Variants in CRK observed in about 807,000 individuals in gnomAD.
CRK encodes the protein adapter molecule crk.
A neutral mutation model predicts 29.8 loss-of-function variants in CRK; 4 were observed. That is an observed-to-expected ratio of 0.13 (90% CI 0.07 to 0.31). CRK has a LOEUF of 0.31. Ranked by LOEUF, CRK falls within the 10% of genes least tolerant of loss-of-function variation. The pLI, the probability that CRK is intolerant of heterozygous loss-of-function variation, is 1.00. For synonymous variants in CRK, 153 were observed against 164.9 expected, an observed-to-expected ratio of 0.93 and a Z score of 0.55; for missense variants, 274 against 396.5, an observed-to-expected ratio of 0.69 and a Z score of 2.62.
Position 1,451,637 on chromosome 17 carries a change from G to A in CRK, c.241+4240C>T, listed in dbSNP as rs971806072. Among the ~76,000 whole-genome samples, 10 of 152,226 alleles carry A rather than the reference G, an allele frequency of 6.6e-5. No individual in the cohort carries two copies. The South Asian group carries it at 1.2e-3, about 19-fold the overall frequency. On this transcript the variant is annotated intron_variant, in intron 1 of 2. Transcript: ENST00000300574. ...ACAGCCTGAGTCAGAAGGGCTGCCTGCCCCAAAGTTAAGGGCTGTAGTGCA... is the reference window on the plus strand; with the variant it reads ...ACAGCCTGAGTCAGAAGGGCTGCCTACCCCAAAGTTAAGGGCTGTAGTGCA...
At position 1,422,430 on chromosome 17, in the gene CRK, TG is replaced by T. The variant is rs1287332973; in HGVS notation, c.*1082del. 1 of 152,290 alleles carries T rather than the reference TG, an allele frequency of 6.6e-6. No individual in the cohort carries two copies. Among genetic ancestry groups the T allele is most frequent in the African/African-American group, 2.4e-5 (1 of 41,458 alleles). The allele number at this position is 152,290 out of a possible 1,614,324, so 9.4% of individuals were successfully genotyped here. On this transcript the variant is annotated 3_prime_UTR_variant, in exon 3 of 3. Transcript: ENST00000300574. ...CACCCGCCTCGGCCTCCCAAAGTGC[TG>T]GGATTACAGACGTGAGCCACCGCGC...
At chr17:1,427,952 A>G (rs1217664153) in intron 2 of CRK, among the ~76,000 whole-genome samples, 1 of 150,512 alleles carries the variant, frequency 6.6e-6, no homozygotes, top group Admixed American at 6.6e-5. Context: ...TTTATTCTTA[A>G]GCATTCATAC....
chr17:1,427,778 A>C (rs2073795394), intron 2 of CRK, among the ~76,000 whole-genome samples: 1 of 151,136 alleles, frequency 6.6e-6, no homozygotes, highest in African/African-American at 2.4e-5. Context: ...GACAAGCACA[A>C]GCCACCATGC....
Position 1,430,815 on chromosome 17 carries a change from C to T in CRK, c.777+5805G>A, listed in dbSNP as rs371892190. Among the ~76,000 whole-genome samples the T allele has an allele frequency of 2.6e-5, 4 of 151,892 alleles. No homozygotes were observed. The East Asian group carries it at 7.9e-4, about 30-fold the overall frequency. On this transcript the variant is annotated intron_variant, in intron 2 of 2. Transcript: ENST00000300574. ...GGGCGCTGTGGCTCATGCCTGTAATCCCAGCACTTTGGGAGGCCGAGGTGG... is the reference window on the plus strand; with the variant it reads ...GGGCGCTGTGGCTCATGCCTGTAATTCCAGCACTTTGGGAGGCCGAGGTGG...
At position 1,423,462 on chromosome 17, in the gene CRK, A is replaced by G; in HGVS notation, c.*51T>C. On this transcript the variant is annotated 3_prime_UTR_variant, in exon 3 of 3. Coordinates refer to ENST00000300574, the MANE Select transcript of CRK (RefSeq NM_016823.4). ...GAAAATTGTATAGATGGCAGTTGGA[A>G]AAAAAAAAAAAAGATTGTTCCCATC... 1.6e-6 allele frequency: 2 copies of G among 1,240,890 alleles called. No homozygotes were observed. Among genetic ancestry groups the G allele is most frequent in the Non-Finnish European group, 2.2e-6 (2 of 917,092 alleles). The allele number at this position is 1,240,890 out of a possible 1,614,324, so 76.9% of individuals were successfully genotyped here.
At chr17:1,451,928 TGA>T (rs559599294) in intron 1 of CRK, among the ~76,000 whole-genome samples, 27 of 152,142 alleles carry the variant, frequency 1.8e-4, no homozygotes, top group African/African-American at 5.5e-4. Context: ...GAGGTTTCAG[TGA>T]GCCGAGACTG....
At chr17:1,453,977 GAT>G (rs1338581833) in intron 1 of CRK, among the ~76,000 whole-genome samples, 1 of 152,072 alleles carries the variant, frequency 6.6e-6, no homozygotes, top group African/African-American at 2.4e-5. Flanking sequence ...AAGGCGAGTG[GAT>G]CACCTGAGAT....
intron 1 of CRK, among the ~76,000 whole-genome samples, chr17:1,450,810 C>G (rs1181366765): frequency 6.6e-6 from 1 of 151,978 alleles, no homozygotes; most frequent in East Asian, 1.9e-4. Context: ...TGCTTGAACC[C>G]AGGAGGTGGA....
chr17:1,453,257 GT>G (rs2074032186), intron 1 of CRK, among the ~76,000 whole-genome samples: 1 of 152,186 alleles, frequency 6.6e-6, no homozygotes, highest in Non-Finnish European at 1.5e-5. Flanking sequence ...GTTCTTATCT[GT>G]TTTGAAAAGG....
rs1490963705 is a variant in CRK at position 1,436,796 on chromosome 17, T to A, written c.601A>T (p.Ile201Phe). 9.5e-6 allele frequency: 15 copies of A among 1,582,304 alleles called. No homozygotes were observed. The highest frequency in any genetic ancestry group is 1.3e-5 in the Non-Finnish European group (15 of 1,165,824). ...RPASASVSAL[I>F]GGNQEGSHPQ... is the part of the protein sequence containing the mutation. ...TGGGAACCCTCCTGGTTACCTCCAATCAGAGCCGATACTGAGGCGGAGGCA... is the reference window on the plus strand; with the variant it reads ...TGGGAACCCTCCTGGTTACCTCCAAACAGAGCCGATACTGAGGCGGAGGCA... Residue 201 changes from isoleucine to phenylalanine, a missense_variant, in exon 2 of 3, where the codon ATT becomes TTT. Coordinates refer to ENST00000300574, the MANE Select transcript of CRK (RefSeq NM_016823.4).
intron 2 of CRK, among the ~76,000 whole-genome samples, chr17:1,431,737 G>A (rs1478620057): frequency 6.6e-6 from 1 of 152,248 alleles, no homozygotes; most frequent in East Asian, 1.9e-4. Flanking sequence ...ACAGGCATGT[G>A]CACCACACTT....
intron 1 of CRK, among the ~76,000 whole-genome samples, chr17:1,441,349 G>A (rs2073933617): frequency 6.6e-6 from 1 of 152,098 alleles, no homozygotes; most frequent in Non-Finnish European, 1.5e-5. Flanking sequence ...TCTTTTTAGA[G>A]ACAGGGTCTA....
In CRK at chr17:1,427,072, A is replaced by AAAAAAAG. The variant is rs778793991; in HGVS notation, c.778-3423_778-3422insCTTTTTT. 1.2e-3 allele frequency among the ~76,000 whole-genome samples: 111 copies of AAAAAAAG among 92,072 alleles called. 29 individuals are homozygous for AAAAAAAG. The highest frequency in any genetic ancestry group is 1.8e-3 in the Non-Finnish European group (87 of 47,910). 60.4% of individuals were successfully genotyped at this position (92,072 alleles called of 152,430 possible). On this transcript the variant is annotated intron_variant, in intron 2 of 2. Transcript: ENST00000300574. The stretch of plus-strand genomic sequence containing the variant: ...AAAAAAAAAAAAAAAAAAAAAAAAA[A>AAAAAAAG]GATTCTGACATGCCCCAGCCAGGCT...
chr17:1,430,574 C>T (rs1236506620), intron 2 of CRK, among the ~76,000 whole-genome samples: 1 of 140,540 alleles, frequency 7.1e-6, no homozygotes, highest in Non-Finnish European at 1.5e-5. Flanking sequence ...ACAGTATTAG[C>T]CAGGATGGTC....
intron 1 of CRK, among the ~76,000 whole-genome samples, chr17:1,438,283 C>G (rs893821968): frequency 6.6e-6 from 1 of 151,970 alleles, no homozygotes; most frequent in South Asian, 2.1e-4. Context: ...GCACGCTCAA[C>G]CATATCTGGG....
chr17:1,453,724 T>G (rs948305499), intron 1 of CRK, among the ~76,000 whole-genome samples: 3 of 151,954 alleles, frequency 2.0e-5, no homozygotes, highest in Non-Finnish European at 4.4e-5. Context: ...CTGGTCAACT[T>G]GGCGAAACCC....
At chr17:1,453,597 T>C (rs1568024269) in intron 1 of CRK, among the ~76,000 whole-genome samples, 1 of 152,194 alleles carries the variant, frequency 6.6e-6, no homozygotes, top group African/African-American at 2.4e-5. Context: ...ATAGACCCCA[T>C]ACTCATTTTT....
chr17:1,426,956 C>T (rs1277980772), intron 2 of CRK, among the ~76,000 whole-genome samples: 5 of 140,198 alleles, frequency 3.6e-5, no homozygotes, highest in Non-Finnish European at 7.6e-5. Flanking sequence ...CACTTGAGCC[C>T]GGGAGGCAGA....
chr17:1,453,277 G>C (rs1249730823), intron 1 of CRK, among the ~76,000 whole-genome samples: 1 of 152,164 alleles, frequency 6.6e-6, no homozygotes, highest in Non-Finnish European at 1.5e-5. Flanking sequence ...GGTGGTGCTC[G>C]ATTATCACGG....
Sources: allele counts gnomAD v4.1 joint callset (sites outside exome capture counted in the v4.1 genomes callset), GRCh38; gene constraint gnomAD v4.1.1; transcripts MANE v1.5; gene names NCBI Gene and HGNC (gene_info 2026-07-23, HGNC 2026-07-21).